Variants in TENM4 observed in about 807,000 individuals in gnomAD.
The protein encoded by TENM4 is teneurin transmembrane protein 4, also known as teneurin-4.
In TENM4, 82 loss-of-function variants were observed where a neutral mutation model predicts 243.3. The observed-to-expected ratio is 0.34, with a 90% CI of 0.28 to 0.40. The LOEUF (loss-of-function observed/expected upper bound fraction) is 0.40. TENM4 is among the 10% of genes least tolerant of loss of function. The pLI, the probability that TENM4 is intolerant of heterozygous loss-of-function variation, is 1.00. For synonymous variants in TENM4, 1,412 were observed against 1,456.3 expected, an observed-to-expected ratio of 0.97 and a Z score of 0.69; for missense variants, 3,138 against 3,673.3, an observed-to-expected ratio of 0.85 and a Z score of 3.77.
chr11:79,061,007 G>C (rs1232653026), intron 6 of TENM4, among the ~76,000 whole-genome samples: 1 of 152,140 alleles, frequency 6.6e-6, no homozygotes, highest in Non-Finnish European at 1.5e-5. Context: ...AGAAAGATGG[G>C]AGAAGGGGAA....
intron 28 of TENM4, among the ~76,000 whole-genome samples, chr11:78,697,244 C>T (rs1411864172): frequency 6.6e-6 from 1 of 152,158 alleles, no homozygotes; most frequent in African/African-American, 2.4e-5. Context: ...CACCAGCCAT[C>T]CCAGCTGAAC....
chr11:79,401,770 G>GT (rs1409152840), intron 1 of TENM4, among the ~76,000 whole-genome samples: 1 of 152,214 alleles, frequency 6.6e-6, no homozygotes, highest in Admixed American at 6.5e-5. Context: ...GGGGGACCAA[G>GT]TCCAGGAGCC....
intron 3 of TENM4, among the ~76,000 whole-genome samples, chr11:79,161,764 T>A (rs1410105923): frequency 6.6e-6 from 1 of 152,210 alleles, no homozygotes; most frequent in Non-Finnish European, 1.5e-5. Flanking sequence ...GTTCAACCTT[T>A]ATCTTGTGGT....
chr11:78,861,873 G>A (rs904603657), intron 10 of TENM4, among the ~76,000 whole-genome samples: 2 of 152,214 alleles, frequency 1.3e-5, no homozygotes, highest in Admixed American at 6.5e-5. Context: ...GAGAAAGCAG[G>A]CCATAGCAGG....
At chr11:79,254,780 C>T (rs1024003495) in intron 2 of TENM4, among the ~76,000 whole-genome samples, 1 of 152,082 alleles carries the variant, frequency 6.6e-6, no homozygotes, top group Non-Finnish European at 1.5e-5. Flanking sequence ...AGCTGGTGTA[C>T]AGGAAAGGAT....
intron 15 of TENM4, among the ~76,000 whole-genome samples, chr11:78,799,064 T>A (rs1390650445): frequency 6.6e-6 from 1 of 152,112 alleles, no homozygotes; most frequent in African/African-American, 2.4e-5. Flanking sequence ...TGTGTCAGCG[T>A]GGGAGCAGGT....
chr11:79,231,124 G>T (rs1268005581), intron 2 of TENM4, among the ~76,000 whole-genome samples: 1 of 152,188 alleles, frequency 6.6e-6, no homozygotes, highest in Non-Finnish European at 1.5e-5. Flanking sequence ...AGAAAATAAA[G>T]TAAAAGGGAC....
chr11:79,387,618 ACTTCC>A (rs951369058), intron 1 of TENM4, among the ~76,000 whole-genome samples: 1 of 99,194 alleles, frequency 1.0e-5, no homozygotes, highest in Admixed American at 9.7e-5. Flanking sequence ...AATGAGTTTC[ACTTCC>A]CTTCCCTTCC....
At chr11:78,890,152 C>T (rs1855630462) in intron 8 of TENM4, 132 bp from the exon 9 acceptor site, 2 of 685,912 alleles carry the variant, frequency 2.9e-6, no homozygotes, top group East Asian at 5.5e-5. Context: ...ACCACAGAGA[C>T]CTGGGAAAGG....
At position 78,778,735 on chromosome 11, in the gene TENM4, G is replaced by A. The variant is rs752503392; in HGVS notation, c.2366-107C>T. The A allele has an allele frequency of 5.4e-5, 55 of 1,022,208 alleles. No homozygotes were observed. In the East Asian group the frequency reaches 5.8e-4, roughly 11 times the overall value. 63.3% of individuals were successfully genotyped at this position (1,022,208 alleles called of 1,614,324 possible). On this transcript the variant is annotated intron_variant, in intron 16 of 33. Coordinates refer to ENST00000278550, the MANE Select transcript of TENM4 (RefSeq NM_001098816.3). The stretch of plus-strand genomic sequence containing the variant: ...CACAGACAAAGGGATTGTGCCCCAC[G>A]TTTGGGACAGGCCTATGCCATGGTG...
chr11:79,305,050 A>G (rs1856604551), intron 1 of TENM4, among the ~76,000 whole-genome samples: 3 of 152,214 alleles, frequency 2.0e-5, no homozygotes, highest in Admixed American at 1.3e-4. Context: ...TTCTCCACTC[A>G]GCAACTTTCT....
In TENM4 at chr11:79,069,871, G is replaced by T; in HGVS notation, c.74C>A (p.Ser25Ter). ...TTTGCCCTCCTCGCTGTCCGCGGAC[G>T]AGCTGGTGTAGCGGCGCTCGGCGTC... ...RRDAERRYTS[S>*]SADSEEGKAP... Residue 25 changes from serine to a stop codon, truncating the protein, a stop_gained, in exon 5 of 34, where the codon TCG (serine) becomes TAG (stop). Transcript: ENST00000278550. LOFTEE classifies it high-confidence loss of function. The T allele has an allele frequency of 1.3e-6, 2 of 1,549,972 alleles. No individual in the cohort carries two copies.
chr11:79,210,635 T>G (rs1305318707), intron 3 of TENM4, among the ~76,000 whole-genome samples: 1 of 152,112 alleles, frequency 6.6e-6, no homozygotes, highest in African/African-American at 2.4e-5. Flanking sequence ...CAAGGTAACC[T>G]GGGGAGCCCG....
At chr11:79,192,837 C>T (rs1272411516) in intron 3 of TENM4, among the ~76,000 whole-genome samples, 2 of 152,152 alleles carry the variant, frequency 1.3e-5, no homozygotes, top group Admixed American at 1.3e-4. Context: ...CAAGAATAAC[C>T]TAGACGATAT....
chr11:78,692,392 A>G (rs1858848942), intron 28 of TENM4, among the ~76,000 whole-genome samples: 1 of 152,146 alleles, frequency 6.6e-6, no homozygotes, highest in Non-Finnish European at 1.5e-5. Context: ...CAGGCAGGCT[A>G]TATCATATAA....
At position 78,814,405 on chromosome 11, in the gene TENM4, G is replaced by A. The variant is rs1429263172; in HGVS notation, c.1682-10C>T. ...CAGTTATCCACCGACTCTGGGGAGAGAAAGGAGAAGGAGAGTTGAAAACAA... is the reference window on the plus strand; with the variant it reads ...CAGTTATCCACCGACTCTGGGGAGAAAAAGGAGAAGGAGAGTTGAAAACAA... On this transcript the variant is annotated splice_polypyrimidine_tract_variant and intron_variant, in intron 12 of 33. Coordinates refer to ENST00000278550, the MANE Select transcript of TENM4 (RefSeq NM_001098816.3). 3.9e-6 allele frequency: 6 copies of A among 1,547,076 alleles called. No individual in the cohort carries two copies. The East Asian group carries it at 1.2e-4, about 32-fold the overall frequency.
At chr11:78,973,184 C>G (rs1263529039) in intron 6 of TENM4, among the ~76,000 whole-genome samples, 4 of 152,090 alleles carry the variant, frequency 2.6e-5, no homozygotes, top group Admixed American at 2.6e-4. Flanking sequence ...ATGTTTTTAC[C>G]TCTTTTGGGT....
At chr11:78,695,117 G>A (rs1244995843) in intron 28 of TENM4, among the ~76,000 whole-genome samples, 1 of 147,794 alleles carries the variant, frequency 6.8e-6, no homozygotes, top group African/African-American at 2.5e-5. Context: ...TGTGATTATC[G>A]ATCACTGCAC....
chr11:79,058,251 G>A (rs1591248372), intron 6 of TENM4, among the ~76,000 whole-genome samples: 1 of 152,076 alleles, frequency 6.6e-6, no homozygotes, highest in South Asian at 2.1e-4. Context: ...CGGTGGTCAA[G>A]AAGGATAATG....
Sources: allele counts gnomAD v4.1 joint callset (sites outside exome capture counted in the v4.1 genomes callset), GRCh38; gene constraint gnomAD v4.1.1; transcripts MANE v1.5; gene names NCBI Gene and HGNC (gene_info 2026-07-23, HGNC 2026-07-21).